L3MBTL4: variants seen among roughly 807,000 people sequenced by gnomAD.
L3MBTL4 encodes lethal(3)malignant brain tumor-like protein 4.
Under a neutral mutation model 84.5 loss-of-function variants are expected in L3MBTL4, and 70 were observed. The observed-to-expected ratio is 0.83, with a 90% CI of 0.68 to 1.01. The LOEUF (loss-of-function observed/expected upper bound fraction) is 1.01. L3MBTL4 is among the 50% of genes least tolerant of loss of function. L3MBTL4 has a pLI of 0.00. For missense variants in L3MBTL4, 715 were observed against 754.8 expected, an observed-to-expected ratio of 0.95 and a Z score of 0.62; for synonymous variants, 274 against 259.8, an observed-to-expected ratio of 1.05 and a Z score of -0.52.
intron 12 of L3MBTL4, among the ~76,000 whole-genome samples, chr18:6,176,423 C>T (rs1414557600): frequency 1.3e-5 from 2 of 151,952 alleles, no homozygotes; most frequent in Non-Finnish European, 2.9e-5. Context: ...AATTGATTTT[C>T]AAAAACATGA....
intron 17 of L3MBTL4, among the ~76,000 whole-genome samples, chr18:5,968,026 G>A (rs980272735): frequency 2.0e-5 from 3 of 152,258 alleles, no homozygotes; most frequent in Admixed American, 2.0e-4. Context: ...ATGCCAGGGG[G>A]CCATGAGCCC....
At chr18:6,122,102 A>G (rs535929760) in intron 14 of L3MBTL4, among the ~76,000 whole-genome samples, 1 of 152,332 alleles carries the variant, frequency 6.6e-6, no homozygotes, top group African/African-American at 2.4e-5. Flanking sequence ...TTTAATTCAT[A>G]AAATAGAAAT....
chr18:6,336,399 A>G (rs2052341070), intron 1 of L3MBTL4, among the ~76,000 whole-genome samples: 1 of 152,196 alleles, frequency 6.6e-6, no homozygotes, highest in Admixed American at 6.5e-5. Context: ...CCTCAAACAC[A>G]TGAAGAGTGT....
At chr18:6,292,950 C>T (rs1454243888) in intron 4 of L3MBTL4, among the ~76,000 whole-genome samples, 1 of 152,120 alleles carries the variant, frequency 6.6e-6, no homozygotes, top group Non-Finnish European at 1.5e-5. Flanking sequence ...TTTACTAGTG[C>T]CAAAAAACTT....
intron 12 of L3MBTL4, among the ~76,000 whole-genome samples, chr18:6,172,999 T>A (rs1357371991): frequency 1.3e-5 from 2 of 152,214 alleles, no homozygotes; most frequent in African/African-American, 4.8e-5. Flanking sequence ...ACTATCAGCA[T>A]CACCGACCTA....
At position 6,243,303 on chromosome 18, in the gene L3MBTL4, T is replaced by G. The variant is rs1378200327; in HGVS notation, c.451A>C (p.Ile151Leu). 1 of 1,587,384 alleles carries G rather than the reference T, an allele frequency of 6.3e-7. No individual in the cohort carries two copies. The highest frequency in any genetic ancestry group is 8.6e-7 in the Non-Finnish European group (1 of 1,168,270). Reference protein sequence around the residue: ...WCEKTKHELHIPKGYRKDKFV... With the variant: ...WCEKTKHELHLPKGYRKDKFV... ...ATGTATCCTGGCTTACCCTTAGGGA[T>G]GTGCAGTTCATGTTTGGTCTTTTCA... The change falls in exon 7 of 19, where the codon ATC becomes CTC. Residue 151 changes from isoleucine to leucine, a missense_variant. Ile to Leu is a conservative substitution (Grantham distance 5). Transcript: ENST00000317931.
chr18:6,151,936 T>C (rs1307672579), intron 13 of L3MBTL4, among the ~76,000 whole-genome samples: 2 of 152,210 alleles, frequency 1.3e-5, no homozygotes, highest in African/African-American at 4.8e-5. Context: ...TCTCCACTTC[T>C]ATTAGTTAGA....
At chr18:6,094,331 G>T (rs184132517) in intron 14 of L3MBTL4, among the ~76,000 whole-genome samples, 1 of 152,310 alleles carries the variant, frequency 6.6e-6, no homozygotes, top group African/African-American at 2.4e-5. Flanking sequence ...ACCCAAGACA[G>T]GTCACTTGTA....
At chr18:6,214,994 G>A (rs756656803) in intron 11 of L3MBTL4, among the ~76,000 whole-genome samples, 2 of 151,954 alleles carry the variant, frequency 1.3e-5, no homozygotes, top group Non-Finnish European at 2.9e-5. Flanking sequence ...CCCAAATACT[G>A]TTAATTATAA....
chr18:5,974,984 A>AAC (rs2052839419), intron 16 of L3MBTL4, among the ~76,000 whole-genome samples: 1 of 150,580 alleles, frequency 6.6e-6, no homozygotes, highest in Non-Finnish European at 1.5e-5. Flanking sequence ...TTTTTTTTTT[A>AAC]AAAAGAGGAA....
chr18:5,993,430 C>A (rs933237985), intron 16 of L3MBTL4, among the ~76,000 whole-genome samples: 1 of 152,226 alleles, frequency 6.6e-6, no homozygotes, highest in African/African-American at 2.4e-5. Context: ...AACAATTTTA[C>A]TCAATTGACA....
chr18:5,958,028 AGAG>A (rs36010647), intron 18 of L3MBTL4, among the ~76,000 whole-genome samples: 44,793 of 126,238 alleles, frequency 0.35, 9,760 homozygotes, highest in East Asian at 0.49. Context: ...AGAAGGAGAA[AGAG>A]GAGGAGGAGG....
At chr18:6,268,123 G>A (rs1057481175) in intron 4 of L3MBTL4, among the ~76,000 whole-genome samples, 8 of 152,120 alleles carry the variant, frequency 5.3e-5, no homozygotes, top group Non-Finnish European at 1.0e-4. Context: ...TTTGTTTAAT[G>A]GCCCGGGAGT....
rs777228939 is a variant in L3MBTL4, at chr18:6,239,866, G to T, written c.559C>A (p.Pro187Thr). ...CCAACCTGAAATTCTTTAGACATTGGCCCATTCTAACGCAGCACCAGCAGG... is the reference window on the plus strand; with the variant it reads ...CCAACCTGAAATTCTTTAGACATTGTCCCATTCTAACGCAGCACCAGCAGG... ...KLFRNRSPNG[P>T]MSKEFQVGMK... Residue 187 changes from proline to threonine, a missense_variant, in exon 9 of 19, where the codon CCA (proline) becomes ACA (threonine). Physicochemically the swap from Pro to Thr is conservative, Grantham distance 38. Transcript: ENST00000317931. 1.1e-5 allele frequency: 18 copies of T among 1,614,050 alleles called. No individual in the cohort carries two copies. The highest frequency in any genetic ancestry group is 5.0e-5 in the Admixed American group (3 of 60,002).
intron 1 of L3MBTL4, among the ~76,000 whole-genome samples, chr18:6,410,278 T>C (rs2055911459): frequency 6.6e-6 from 1 of 152,234 alleles, no homozygotes; most frequent in South Asian, 2.1e-4. Flanking sequence ...CAGATACTCA[T>C]CCTCAGGCAC....
intron 1 of L3MBTL4, among the ~76,000 whole-genome samples, chr18:6,392,442 A>T (rs1269970054): frequency 1.3e-5 from 2 of 152,152 alleles, no homozygotes; most frequent in African/African-American, 4.8e-5. Flanking sequence ...CCAGCTACTC[A>T]GGAGGCTGAG....
intron 15 of L3MBTL4, among the ~76,000 whole-genome samples, chr18:6,088,602 G>T (rs1016657122): frequency 2.6e-5 from 4 of 152,158 alleles, no homozygotes; most frequent in African/African-American, 9.7e-5. Flanking sequence ...CCAAAGCAGA[G>T]AATTGAGAGA....
intron 14 of L3MBTL4, among the ~76,000 whole-genome samples, chr18:6,114,350 G>A (rs1316549077): frequency 4.6e-5 from 7 of 152,136 alleles, no homozygotes; most frequent in African/African-American, 1.4e-4. Flanking sequence ...TTCCTGTCAC[G>A]ACTCCACTTG....
At chr18:6,192,531 G>A (rs1279514873) in intron 12 of L3MBTL4, among the ~76,000 whole-genome samples, 1 of 152,088 alleles carries the variant, frequency 6.6e-6, no homozygotes, top group Non-Finnish European at 1.5e-5. Flanking sequence ...GATGGCTTCT[G>A]CTTTCTAGGT....
Sources: gnomAD v4.1 joint callset for allele counts (sites outside exome capture counted in the v4.1 genomes callset) on GRCh38, gnomAD v4.1.1 for gene constraint, MANE v1.5 for transcripts, NCBI Gene and HGNC (gene_info 2026-07-23, HGNC 2026-07-21) for gene names.